Variants in GPC5 observed in about 807,000 individuals in gnomAD.
The protein encoded by GPC5 is glypican-5.
Under a neutral mutation model 53.9 loss-of-function variants are expected in GPC5, and 47 were observed. The observed-to-expected ratio is 0.87, with a 90% CI of 0.69 to 1.11. The LOEUF (loss-of-function observed/expected upper bound fraction) is 1.11, where lower values mean the gene tolerates loss of function less well. Ranked by LOEUF, GPC5 falls within the 50% of genes most tolerant of loss-of-function variation. GPC5 has a pLI of 0.00. For missense variants in GPC5, 748 were observed against 713.1 expected, an observed-to-expected ratio of 1.05 and a Z score of -0.56; for synonymous variants, 286 against 263.3, an observed-to-expected ratio of 1.09 and a Z score of -0.84.
rs768086438 is a variant in GPC5 at position 91,493,937 on chromosome 13, A to G, written c.325+45015A>G. 3.9e-5 allele frequency among the ~76,000 whole-genome samples: 6 copies of G among 152,050 alleles called. No individual in the cohort carries two copies. In the South Asian group the frequency reaches 6.2e-4, roughly 16 times the overall value. ...TCACCAGGCTGGAGTACAGTAGCAC[A>G]GTCTCTGCTCACTGCAACCTCCGCC... On this transcript the variant is annotated intron_variant, in intron 2 of 7. Coordinates refer to ENST00000377067, the MANE Select transcript of GPC5 (RefSeq NM_004466.6).
chr13:91,528,348 A>T (rs1886182776), intron 2 of GPC5, among the ~76,000 whole-genome samples: 1 of 152,192 alleles, frequency 6.6e-6, no homozygotes, highest in Non-Finnish European at 1.5e-5. Context: ...TCAAAGTTTC[A>T]CAGATCTCTA....
At chr13:92,062,183 C>G (rs1038063871) in intron 6 of GPC5, among the ~76,000 whole-genome samples, 6 of 151,756 alleles carry the variant, frequency 4.0e-5, no homozygotes, top group Non-Finnish European at 8.8e-5. Flanking sequence ...TGTCATCATT[C>G]CATATGTCAT....
At chr13:91,524,023 T>C (rs1885966671) in intron 2 of GPC5, among the ~76,000 whole-genome samples, 1 of 151,976 alleles carries the variant, frequency 6.6e-6, no homozygotes, top group Non-Finnish European at 1.5e-5. Context: ...ATAATGTGAA[T>C]ACTATAATAA....
At chr13:92,575,933 C>A (rs1049954976) in intron 7 of GPC5, among the ~76,000 whole-genome samples, 2 of 152,110 alleles carry the variant, frequency 1.3e-5, no homozygotes, top group African/African-American at 4.8e-5. Flanking sequence ...TCCGCAGATG[C>A]AATGGCATCA....
chr13:91,618,409 C>G (rs2033757242), intron 2 of GPC5, among the ~76,000 whole-genome samples: 2 of 151,998 alleles, frequency 1.3e-5, no homozygotes, highest in Non-Finnish European at 2.9e-5. Context: ...AGCCAGTTCC[C>G]CATCATCAAT....
chr13:92,038,807 G>A (rs193204406), intron 6 of GPC5, among the ~76,000 whole-genome samples: 1 of 152,094 alleles, frequency 6.6e-6, no homozygotes, highest in Non-Finnish European at 1.5e-5. Context: ...AATGCAAACA[G>A]AGAAGTGAAA....
intron 2 of GPC5, among the ~76,000 whole-genome samples, chr13:91,665,505 C>CTTTTTTTTTTTTTCTT (rs371605806): frequency 6.8e-6 from 1 of 146,198 alleles, no homozygotes; most frequent in Non-Finnish European, 1.5e-5. Context: ...AAAAGCCAGT[C>CTTTTTTTTTTTTTCTT]TTTTTTTTTT....
chr13:92,298,945 T>G (rs2043057082), intron 7 of GPC5, among the ~76,000 whole-genome samples: 2 of 152,180 alleles, frequency 1.3e-5, no homozygotes, highest in South Asian at 4.1e-4. Flanking sequence ...CTTTGGACAC[T>G]TGCTGATGAA....
intron 7 of GPC5, among the ~76,000 whole-genome samples, chr13:92,862,036 C>G (rs958281539): frequency 1.3e-5 from 2 of 152,126 alleles, no homozygotes; most frequent in African/African-American, 2.4e-5. Flanking sequence ...GTGGCAAAGC[C>G]AGAATTTGAC....
At chr13:92,092,216 C>G (rs1031595547) in intron 6 of GPC5, among the ~76,000 whole-genome samples, 2 of 152,170 alleles carry the variant, frequency 1.3e-5, no homozygotes, top group Non-Finnish European at 2.9e-5. Context: ...ACTGCATACA[C>G]CTTAGGCTCT....
intron 6 of GPC5, among the ~76,000 whole-genome samples, chr13:92,125,916 G>GTTTGT (rs2041690678): frequency 3.2e-5 from 1 of 31,296 alleles, no homozygotes; most frequent in African/African-American, 7.9e-5. Flanking sequence ...GGAAACATTT[G>GTTTGT]TTTTTTGGTT....
chr13:92,084,236 T>C (rs186434471), intron 6 of GPC5, among the ~76,000 whole-genome samples: 189 of 152,336 alleles, frequency 1.2e-3, no homozygotes, highest in Non-Finnish European at 2.2e-3. Flanking sequence ...CGTTTACCTA[T>C]GTAACAAACC....
intron 7 of GPC5, among the ~76,000 whole-genome samples, chr13:92,401,306 C>G (rs1229219190): frequency 6.6e-6 from 1 of 151,696 alleles, no homozygotes; most frequent in Non-Finnish European, 1.5e-5. Flanking sequence ...TATGACCTTT[C>G]CTGTGTAGAT....
intron 2 of GPC5, among the ~76,000 whole-genome samples, chr13:91,564,717 G>T (rs1594260291): frequency 6.6e-6 from 1 of 152,162 alleles, no homozygotes; most frequent in African/African-American, 2.4e-5. Flanking sequence ...GGAGATAAAT[G>T]ATATATTTGA....
At chr13:92,094,270 A>T (rs1291266637) in intron 6 of GPC5, among the ~76,000 whole-genome samples, 1 of 152,234 alleles carries the variant, frequency 6.6e-6, no homozygotes, top group African/African-American at 2.4e-5. Context: ...TTTTCCCAGC[A>T]CTTTGTGAGG....
chr13:91,430,414 T>C (rs889437829), intron 1 of GPC5, among the ~76,000 whole-genome samples: 1 of 152,232 alleles, frequency 6.6e-6, no homozygotes, highest in African/African-American at 2.4e-5. Flanking sequence ...GTATGGACTC[T>C]TAAGCCAATA....
At chr13:92,550,607 G>A (rs1046518941) in intron 7 of GPC5, among the ~76,000 whole-genome samples, 2 of 151,612 alleles carry the variant, frequency 1.3e-5, no homozygotes, top group Admixed American at 6.6e-5. Flanking sequence ...ACCTGAAAAA[G>A]GGGTATTAAA....
intron 6 of GPC5, among the ~76,000 whole-genome samples, chr13:92,039,597 C>CA: frequency 6.6e-6 from 1 of 152,332 alleles, no homozygotes; most frequent in South Asian, 2.1e-4. Context: ...GCTGCCATAA[C>CA]AAACTACCAC....
rs1166606419 is a variant in GPC5 at position 92,820,659 on chromosome 13, C to A, written c.1562-45623C>A. 2.6e-5 allele frequency among the ~76,000 whole-genome samples: 4 copies of A among 152,116 alleles called. No homozygotes were observed. In the East Asian group the frequency reaches 7.7e-4, roughly 29 times the overall value. On this transcript the variant is annotated intron_variant, in intron 7 of 7. Transcript: ENST00000377067. ...TTGATATTATTGCTAGGCTGAATTT[C>A]TTTCAGTTCCCTAAATACATCATTC... is the stretch of plus-strand genomic sequence containing the variant.
Sources: allele counts gnomAD v4.1 joint callset (sites outside exome capture counted in the v4.1 genomes callset), GRCh38; gene constraint gnomAD v4.1.1; transcripts MANE v1.5; gene names NCBI Gene and HGNC (gene_info 2026-07-23, HGNC 2026-07-21).